The following SNAP25 variants were observed in gnomAD, a reference collection of about 807,000 sequenced individuals.
The protein encoded by SNAP25 is synaptosome associated protein 25, also known as synaptosomal-associated protein 25.
Under a neutral mutation model 28.7 loss-of-function variants are expected in SNAP25, and 3 were observed. The ratio of observed to expected loss-of-function variants is 0.10; its 90% CI spans 0.05 to 0.27. SNAP25 has a LOEUF of 0.27. SNAP25 is among the 10% of genes least tolerant of loss of function. The pLI is 1.00. For synonymous variants in SNAP25, 61 were observed against 88.1 expected (o/e 0.69, Z 1.72); for missense variants, 117 against 278.7 (o/e 0.42, Z 4.13).
intron 3 of SNAP25, among the ~76,000 whole-genome samples, chr20:10,281,709 TTTTC>T (rs1401801912): frequency 6.6e-6 from 1 of 152,202 alleles, no homozygotes; most frequent in Non-Finnish European, 1.5e-5. Context: ...CAATCATTAT[TTTTC>T]TTTGAGAATT....
At chr20:10,239,141 G>C (rs1032528073) in intron 1 of SNAP25, among the ~76,000 whole-genome samples, 1 of 152,178 alleles carries the variant, frequency 6.6e-6, no homozygotes, top group African/African-American at 2.4e-5. Flanking sequence ...GCATTTAAAT[G>C]ACAAAATCTA....
chr20:10,219,491 G>C (rs2062584158), intron 1 of SNAP25: 1 of 152,242 alleles, frequency 6.6e-6, no homozygotes. Flanking sequence ...CATGCCCCGC[G>C]GACTTGATTT....
chr20:10,236,358 A>G (rs1000570453), intron 1 of SNAP25, among the ~76,000 whole-genome samples: 2 of 152,208 alleles, frequency 1.3e-5, no homozygotes, highest in Non-Finnish European at 2.9e-5. Flanking sequence ...TCCTTTGAAC[A>G]TTGAGGATAA....
intron 1 of SNAP25, among the ~76,000 whole-genome samples, chr20:10,257,712 AAAAAC>A (rs1326125430): frequency 6.6e-6 from 1 of 150,780 alleles, no homozygotes; most frequent in Non-Finnish European, 1.5e-5. Context: ...ACTCCGTCTC[AAAAAC>A]AAAACAAAAC....
intron 1 of SNAP25, among the ~76,000 whole-genome samples, chr20:10,259,721 A>G (rs2063379413): frequency 6.6e-6 from 1 of 151,928 alleles, no homozygotes; most frequent in Non-Finnish European, 1.5e-5. Flanking sequence ...AATTTTTTGT[A>G]GAGATGGGTC....
rs116940963 is a variant in SNAP25, at chr20:10,290,719, A to G, written c.164-2442A>G. On this transcript the variant is annotated intron_variant, in intron 4 of 7. Coordinates refer to ENST00000254976, the MANE Select transcript of SNAP25 (RefSeq NM_130811.4). ...CCTCAAGAAAGACAAATAATTGCAT[A>G]TGTGTCCCCACGCCATAATCTATGC... 8.8e-3 allele frequency among the ~76,000 whole-genome samples: 1,342 copies of G among 152,178 alleles called. 9 individuals are homozygous for G. Among genetic ancestry groups the G allele is most frequent in the Non-Finnish European group, 0.014 (985 of 68,018 alleles).
chr20:10,275,034 T>G (rs2063663907), intron 1 of SNAP25, among the ~76,000 whole-genome samples: 1 of 151,086 alleles, frequency 6.6e-6, no homozygotes, highest in African/African-American at 2.4e-5. Context: ...ATATGTGGGG[T>G]GGACTGTATA....
chr20:10,267,917 T>C (rs2063531882), intron 1 of SNAP25, among the ~76,000 whole-genome samples: 1 of 152,212 alleles, frequency 6.6e-6, no homozygotes, highest in Non-Finnish European at 1.5e-5. Flanking sequence ...AAATATGCTA[T>C]GAAAATATGT....
intron 1 of SNAP25, among the ~76,000 whole-genome samples, chr20:10,253,458 C>A (rs909201988): frequency 2.0e-5 from 3 of 152,176 alleles, no homozygotes; most frequent in Non-Finnish European, 4.4e-5. Flanking sequence ...GGTTTCCTAT[C>A]TATAAAATGG....
At chr20:10,264,208 G>A (rs1388604212) in intron 1 of SNAP25, among the ~76,000 whole-genome samples, 2 of 152,018 alleles carry the variant, frequency 1.3e-5, no homozygotes, top group Non-Finnish European at 2.9e-5. Context: ...CGCTTTTCAC[G>A]ATGCTGTCAC....
rs554455191 is a variant in SNAP25, at chr20:10,267,796, C to T, written c.-63-7633C>T. 1.2e-4 allele frequency among the ~76,000 whole-genome samples: 18 copies of T among 152,270 alleles called. 1 individual carries two copies. The South Asian group carries it at 3.5e-3, about 30-fold the overall frequency. ...CTAGCTCTTGACCTTGTGATCTGCC[C>T]GCCTCGGCCTCCCAAAGTGCTGGGA... On this transcript the variant is annotated intron_variant, in intron 1 of 7. Transcript: ENST00000254976.
intron 1 of SNAP25, among the ~76,000 whole-genome samples, chr20:10,234,536 A>G (rs762292909): frequency 7.9e-5 from 12 of 152,258 alleles, no homozygotes; most frequent in Non-Finnish European, 1.5e-4. Flanking sequence ...TGCCCAAGGC[A>G]TAATTTTCAT....
At chr20:10,251,338 T>C (rs2063223129) in intron 1 of SNAP25, among the ~76,000 whole-genome samples, 1 of 152,160 alleles carries the variant, frequency 6.6e-6, no homozygotes. Context: ...CAAGAAATAC[T>C]GGGAAGGATA....
At chr20:10,226,911 C>A (rs2062743463) in intron 1 of SNAP25, among the ~76,000 whole-genome samples, 1 of 152,082 alleles carries the variant, frequency 6.6e-6, no homozygotes, top group African/African-American at 2.4e-5. Context: ...AGACCACTTT[C>A]TGCCGCTCAT....
chr20:10,274,149 G>GAGA (rs1379522702), intron 1 of SNAP25, among the ~76,000 whole-genome samples: 1 of 152,126 alleles, frequency 6.6e-6, no homozygotes, highest in Non-Finnish European at 1.5e-5. Context: ...AAGGAAGGAG[G>GAGA]AAGGAGGGCT....
chr20:10,252,997 G>A (rs983462627), intron 1 of SNAP25, among the ~76,000 whole-genome samples: 2 of 152,104 alleles, frequency 1.3e-5, no homozygotes, highest in African/African-American at 4.8e-5. Flanking sequence ...GCATTTGGGT[G>A]CTTAGCACAG....
In SNAP25 at chr20:10,248,371, G is replaced by A. The variant is rs908745471; in HGVS notation, c.-63-27058G>A. Reference sequence around the variant, plus strand: ...TTTTTTCTGATTATAAAAGTAATTCGTGTTAATTGCAGAAAAATAGGCCAA... The same window carrying A: ...TTTTTTCTGATTATAAAAGTAATTCATGTTAATTGCAGAAAAATAGGCCAA... On this transcript the variant is annotated intron_variant, in intron 1 of 7. Transcript: ENST00000254976. Among the ~76,000 whole-genome samples the A allele has an allele frequency of 5.3e-5, 8 of 152,126 alleles. No individual in the cohort carries two copies. The South Asian group carries it at 8.3e-4, about 16-fold the overall frequency.
intron 1 of SNAP25, among the ~76,000 whole-genome samples, chr20:10,244,472 AC>A (rs909656611): frequency 1.3e-4 from 20 of 152,170 alleles, no homozygotes; most frequent in African/African-American, 4.6e-4. Context: ...TCACTGTTTT[AC>A]CCATTAGGAA....
chr20:10,268,038 G>A (rs531275029), intron 1 of SNAP25, among the ~76,000 whole-genome samples: 1 of 152,312 alleles, frequency 6.6e-6, no homozygotes, highest in African/African-American at 2.4e-5. Context: ...CACAGCGTGT[G>A]TCACTGAAAG....
Sources: gnomAD v4.1 joint callset for allele counts (sites outside exome capture counted in the v4.1 genomes callset) on GRCh38, gnomAD v4.1.1 for gene constraint, MANE v1.5 for transcripts, NCBI Gene and HGNC (gene_info 2026-07-23, HGNC 2026-07-21) for gene names.